The following GRM1 variants were observed in gnomAD, a reference collection of about 807,000 sequenced individuals.
GRM1 encodes the protein metabotropic glutamate receptor 1.
Under a neutral mutation model 90.9 loss-of-function variants are expected in GRM1, and 33 were observed. That is an observed-to-expected ratio of 0.36 (90% confidence interval 0.28 to 0.49). The LOEUF (loss-of-function observed/expected upper bound fraction) is 0.49, where lower values mean the gene tolerates loss of function less well. GRM1 is among the 20% of genes least tolerant of loss of function. The pLI, the probability that GRM1 is intolerant of heterozygous loss-of-function variation, is 0.99. For synonymous variants in GRM1, 700 were observed against 613.2 expected (o/e 1.14, Z -2.09); for missense variants, 1,190 against 1,534.3 (o/e 0.78, Z 3.75).
At chr6:146,244,754 T>C (rs1222798017) in intron 2 of GRM1, among the ~76,000 whole-genome samples, 1 of 152,180 alleles carries the variant, frequency 6.6e-6, no homozygotes, top group East Asian at 1.9e-4. Flanking sequence ...TAGTAGCAAA[T>C]TTTTTATTTC....
At chr6:146,048,947 C>A (rs942786587) in intron 1 of GRM1, among the ~76,000 whole-genome samples, 5 of 151,884 alleles carry the variant, frequency 3.3e-5, no homozygotes, top group Non-Finnish European at 1.5e-5. Context: ...TTAAGCCACC[C>A]AGTGTATGCT....
At chr6:146,082,236 A>T (rs977116439) in intron 1 of GRM1, among the ~76,000 whole-genome samples, 3 of 151,872 alleles carry the variant, frequency 2.0e-5, no homozygotes, top group Admixed American at 6.6e-5. Context: ...GCTCACTGCA[A>T]CCTCCGCCTC....
rs1165111607 is a variant in GRM1 at position 146,349,072 on chromosome 6, T to TATTATC, written c.1187-3173_1187-3172insCATTAT. Among the ~76,000 whole-genome samples, 21 of 147,576 alleles carry TATTATC rather than the reference T, an allele frequency of 1.4e-4. No individual in the cohort carries two copies. The South Asian group carries it at 1.9e-3, about 13-fold the overall frequency. On this transcript the variant is annotated intron_variant, in intron 3 of 7. Transcript: ENST00000282753. ...TTATTATTATTATTATTATTATTAT[T>TATTATC]ATTATTATTATTGAGACGGAGTCTC...
intron 2 of GRM1, 81 bp from the exon 3 acceptor site, chr6:146,304,530 C>G: frequency 1.7e-5 from 16 of 967,884 alleles, no homozygotes; most frequent in Non-Finnish European, 2.5e-5. Context: ...TTCTGGATTG[C>G]TTCATTCATA....
intron 2 of GRM1, among the ~76,000 whole-genome samples, chr6:146,257,557 A>ATAATG (rs1295023223): frequency 6.6e-6 from 1 of 151,696 alleles, no homozygotes; most frequent in African/African-American, 2.4e-5. Context: ...GTGTACATAT[A>ATAATG]TATATTACAT....
At chr6:146,300,192 G>T (rs775702841) in intron 2 of GRM1, among the ~76,000 whole-genome samples, 1 of 152,054 alleles carries the variant, frequency 6.6e-6, no homozygotes, top group Non-Finnish European at 1.5e-5. Flanking sequence ...AAATAAAATT[G>T]CTTTAGCACC....
At chr6:146,225,578 A>C (rs1286837645) in intron 2 of GRM1, among the ~76,000 whole-genome samples, 1 of 152,182 alleles carries the variant, frequency 6.6e-6, no homozygotes, top group Non-Finnish European at 1.5e-5. Flanking sequence ...AATCAGAAAT[A>C]TAAAATAGTT....
chr6:146,262,400 T>C (rs1444747528), intron 2 of GRM1, among the ~76,000 whole-genome samples: 1 of 152,018 alleles, frequency 6.6e-6, no homozygotes, highest in Non-Finnish European at 1.5e-5. Flanking sequence ...TTAAACTATA[T>C]GTGTGTGTCT....
chr6:146,267,702 G>GTCTCGTCTCGT (rs1781965089), intron 2 of GRM1, among the ~76,000 whole-genome samples: 5 of 86,118 alleles, frequency 5.8e-5, no homozygotes, highest in East Asian at 6.5e-4. Context: ...GCTCGGCTCG[G>GTCTCGTCTCGT]CTCGTCTCGT....
chr6:146,373,862 C>T (rs1775994312), intron 5 of GRM1, among the ~76,000 whole-genome samples: 1 of 152,098 alleles, frequency 6.6e-6, no homozygotes, highest in African/African-American at 2.4e-5. Context: ...ATATCTTTCT[C>T]TTGCCAGACT....
At chr6:146,244,029 T>A (rs559104719) in intron 2 of GRM1, among the ~76,000 whole-genome samples, 1 of 152,308 alleles carries the variant, frequency 6.6e-6, no homozygotes, top group African/African-American at 2.4e-5. Context: ...CAGCCAGACC[T>A]AATGGTTATC....
At chr6:146,221,740 T>G (rs553661229) in intron 2 of GRM1, among the ~76,000 whole-genome samples, 2 of 152,266 alleles carry the variant, frequency 1.3e-5, no homozygotes, top group South Asian at 4.2e-4. Context: ...CAAATGGTAT[T>G]AAATAATTTA....
chr6:146,148,291 T>C (rs570163495), intron 1 of GRM1, among the ~76,000 whole-genome samples: 8 of 151,682 alleles, frequency 5.3e-5, no homozygotes, highest in Admixed American at 1.3e-4. Flanking sequence ...ATATTAAAAA[T>C]ATAAAAACAC....
At chr6:146,321,190 T>C (rs978132849) in intron 3 of GRM1, among the ~76,000 whole-genome samples, 6 of 152,228 alleles carry the variant, frequency 3.9e-5, no homozygotes, top group Non-Finnish European at 1.5e-5. Flanking sequence ...CTCATTGGTT[T>C]CAAAGAACTT....
At chr6:146,282,848 T>G (rs913071406) in intron 2 of GRM1, among the ~76,000 whole-genome samples, 46 of 152,196 alleles carry the variant, frequency 3.0e-4, no homozygotes, top group Admixed American at 5.2e-4. Context: ...CAGCAGCATA[T>G]TCTGTTCTAA....
At chr6:146,248,726 G>A (rs1402443567) in intron 2 of GRM1, among the ~76,000 whole-genome samples, 2 of 152,216 alleles carry the variant, frequency 1.3e-5, no homozygotes, top group African/African-American at 4.8e-5. Context: ...GTAACAGGCA[G>A]AGATTGAAAC....
At chr6:146,307,824 T>C (rs183204389) in intron 3 of GRM1, among the ~76,000 whole-genome samples, 1 of 152,226 alleles carries the variant, frequency 6.6e-6, no homozygotes, top group Admixed American at 6.5e-5. Context: ...AAATAAAGAG[T>C]TTATGTGCAC....
chr6:146,140,093 C>CTTTCTTTCTTTCTTTCTTTA, intron 1 of GRM1, among the ~76,000 whole-genome samples: 1 of 65,922 alleles, frequency 1.5e-5, no homozygotes, highest in African/African-American at 5.9e-5. Flanking sequence ...TTTCTTTATT[C>CTTTCTTTCTTTCTTTCTTTA]TTTCTTTCTT....
At chr6:146,129,903 T>C (rs144094487) in intron 1 of GRM1, among the ~76,000 whole-genome samples, 52 of 152,232 alleles carry the variant, frequency 3.4e-4, no homozygotes, top group African/African-American at 1.2e-3. Context: ...GATGTTCAGA[T>C]TTTTTATTTT....
Sources: allele counts gnomAD v4.1 joint callset (sites outside exome capture counted in the v4.1 genomes callset), GRCh38; gene constraint gnomAD v4.1.1; transcripts MANE v1.5; gene names NCBI Gene and HGNC (gene_info 2026-07-23, HGNC 2026-07-21).